Variants in ARMC10 observed in about 807,000 individuals in gnomAD.
ARMC10 encodes the protein armadillo repeat containing 10.
In ARMC10, 23 loss-of-function variants were observed where a neutral mutation model predicts 30.2. The observed-to-expected ratio is 0.76, with a 90% confidence interval of 0.55 to 1.08. The LOEUF is 1.08. Ranked by LOEUF, ARMC10 falls within the 50% of genes least tolerant of loss-of-function variation. ARMC10 has a pLI of 0.00. For synonymous variants in ARMC10, 111 were observed against 164.4 expected, an observed-to-expected ratio of 0.68 and a Z score of 2.48; for missense variants, 303 against 413.7, an observed-to-expected ratio of 0.73 and a Z score of 2.32.
chr7:103,084,871 C>T (rs1800695647), intron 3 of ARMC10, among the ~76,000 whole-genome samples: 1 of 152,200 alleles, frequency 6.6e-6, no homozygotes, highest in African/African-American at 2.4e-5. Context: ...CCCTTTGGAT[C>T]AATCTCCGGG....
rs187813047 is a variant in ARMC10 at position 103,092,949 on chromosome 7, A to G, written c.705+296A>G. Among the ~76,000 whole-genome samples the G allele has an allele frequency of 2.0e-4, 31 of 152,104 alleles. No individual in the cohort carries two copies. The East Asian group carries it at 5.8e-3, about 29-fold the overall frequency. On this transcript the variant is annotated intron_variant, in intron 5 of 6. Coordinates refer to ENST00000323716, the MANE Select transcript of ARMC10 (RefSeq NM_031905.5). ...CTGAGTAATAGTAGTGGTTAGTTGA[A>G]TATTTTGCTTACCTCAGGGTTAACA...
intron 5 of ARMC10, among the ~76,000 whole-genome samples, chr7:103,093,005 A>G (rs1801483569): frequency 6.6e-6 from 1 of 152,214 alleles, no homozygotes; most frequent in African/African-American, 2.4e-5. Flanking sequence ...TATTTGTTGA[A>G]AAATATTTCT....
intron 2 of ARMC10, among the ~76,000 whole-genome samples, chr7:103,078,374 C>T (rs1231158784): frequency 6.6e-6 from 1 of 152,206 alleles, no homozygotes; most frequent in African/African-American, 2.4e-5. Flanking sequence ...CCTCCATGCT[C>T]TTCTCGTGAT....
intron 2 of ARMC10, among the ~76,000 whole-genome samples, chr7:103,077,376 A>C (rs1239266187): frequency 4.6e-5 from 7 of 151,708 alleles, no homozygotes; most frequent in Admixed American, 3.9e-4. Context: ...GAAACTGGGT[A>C]ATTTATTAGG....
intron 4 of ARMC10, chr7:103,088,684 T>A: frequency 4.9e-6 from 1 of 203,076 alleles, no homozygotes; most frequent in Non-Finnish European, 1.1e-5. Flanking sequence ...AGAATCATTT[T>A]TACAGTAGCC....
intron 4 of ARMC10, chr7:103,088,794 G>T: frequency 1.1e-5 from 2 of 178,680 alleles, no homozygotes; most frequent in South Asian, 1.4e-4. Context: ...ATTCCAGCTT[G>T]ACAGGCTGCT....
chr7:103,087,464 T>G (rs1476596186), intron 4 of ARMC10, among the ~76,000 whole-genome samples: 1 of 152,176 alleles, frequency 6.6e-6, no homozygotes, highest in Non-Finnish European at 1.5e-5. Flanking sequence ...GTTAACTTGG[T>G]AAATGCCAAC....
At chr7:103,087,885 C>A in intron 4 of ARMC10, 2 of 559,578 alleles carry the variant, frequency 3.6e-6, no homozygotes, top group Non-Finnish European at 4.5e-6. Context: ...TGCTATGAAG[C>A]AAAAGCAGAC....
chr7:103,085,606 CTTT>C (rs10581217), intron 3 of ARMC10, among the ~76,000 whole-genome samples: 101,461 of 131,224 alleles, frequency 0.77, 39,451 homozygotes, highest in Middle Eastern at 0.91. Flanking sequence ...CATTTCTCTT[CTTT>C]TTTTTTTTTT....
chr7:103,075,723 A>C (rs1199946217), intron 1 of ARMC10, 54 bp from the exon 2 acceptor site: 12 of 1,359,226 alleles, frequency 8.8e-6, no homozygotes, highest in Non-Finnish European at 1.2e-5. Context: ...GATTCTCCCG[A>C]TTGTGGAAGG....
chr7:103,092,624 G>A lies in ARMC10; in HGVS notation c.676G>A (p.Val226Met). 1.3e-6 allele frequency: 2 copies of A among 1,580,300 alleles called. No homozygotes were observed. Among genetic ancestry groups the A allele is most frequent in the Non-Finnish European group, 1.7e-6 (2 of 1,153,198 alleles). The change falls in exon 5 of 7, where the codon GTG becomes ATG. Residue 226 changes from valine to methionine, a missense_variant. By Grantham distance (21) the Val-to-Met change is conservative (BLOSUM62 1). Around this residue, in one of 4 missense-constraint regions of ARMC10, gnomAD observed 170 missense variants for 207.2 expected, o/e 0.82. Coordinates refer to ENST00000323716, the MANE Select transcript of ARMC10 (RefSeq NM_031905.5). ...LHSYITDLFQ[V>M]LLTGNGNTKV... The stretch of plus-strand genomic sequence containing the variant: ...CAGTTACATTACAGACCTGTTCCAG[G>A]TGTTACTTACTGGAAATGGAAACAC...
At chr7:103,096,034 T>C (rs935100036) in intron 5 of ARMC10, 6 of 152,116 alleles carry the variant, frequency 3.9e-5, no homozygotes, top group Non-Finnish European at 8.8e-5. Flanking sequence ...AGTATACATA[T>C]GTAACTAACC....
Position 103,083,813 on chromosome 7 carries a change from G to A in ARMC10, c.376G>A (p.Ala126Thr). 1.2e-6 allele frequency: 2 copies of A among 1,613,916 alleles called. No homozygotes were observed. The highest frequency in any genetic ancestry group is 1.7e-4 in the Middle Eastern group (1 of 6,058). ...TTTGATTACTTTGGGTAACAATGCA[G>A]CCTTTTCAGTTAACCAAGTAAGTAC... Reference protein sequence around the residue: ...RALITLGNNAAFSVNQAIIRE... With the variant: ...RALITLGNNATFSVNQAIIRE... The change falls in exon 3 of 7, where the codon GCC becomes ACC. Residue 126 changes from alanine to threonine, a missense_variant. Around this residue, in one of 4 missense-constraint regions of ARMC10, gnomAD observed 170 missense variants for 207.2 expected, o/e 0.82. Coordinates refer to ENST00000323716, the MANE Select transcript of ARMC10 (RefSeq NM_031905.5).
At chr7:103,087,739 CTG>C in intron 4 of ARMC10, 1 of 979,214 alleles carries the variant, frequency 1.0e-6, no homozygotes, top group Non-Finnish European at 1.2e-6. Flanking sequence ...GAGGTAATCT[CTG>C]TATTTAGTTT....
At chr7:103,097,743 C>T (rs898539414) in intron 6 of ARMC10, among the ~76,000 whole-genome samples, 5 of 152,152 alleles carry the variant, frequency 3.3e-5, no homozygotes, top group Non-Finnish European at 5.9e-5. Context: ...TGACATGGTA[C>T]ATGTCCTCAC....
intron 5 of ARMC10, chr7:103,096,994 A>G: frequency 2.3e-6 from 1 of 440,634 alleles, no homozygotes; most frequent in East Asian, 3.4e-5. Context: ...AGACATTTGC[A>G]ATATTCTCTC....
chr7:103,075,461 TC>T, intron 1 of ARMC10, 50 bp downstream of exon 1: 1 of 1,273,058 alleles, frequency 7.9e-7, no homozygotes. Flanking sequence ...GCAGGGGGGC[TC>T]CCCAGGCCGG....
rs1801423244 is a variant in ARMC10 at position 103,092,397 on chromosome 7, C to T, written c.529-80C>T. The T allele has an allele frequency of 4.5e-6, 4 of 882,066 alleles. No individual in the cohort carries two copies. In the Admixed American group the frequency reaches 7.0e-5, roughly 15 times the overall value. The allele number at this position is 882,066 out of a possible 1,614,324, so 54.6% of individuals were successfully genotyped here. A position where few individuals can be genotyped will look rare whatever the true frequency, so the allele number is the denominator to read the frequency against. On this transcript the variant is annotated intron_variant, in intron 4 of 6. Transcript: ENST00000323716. ...GGTTCCATCCTGAGCAGTAGCCCTA[C>T]TCCACTGTGCAGAAAAGTGGCTGTT...
At chr7:103,078,436 A>G (rs1046716193) in intron 2 of ARMC10, among the ~76,000 whole-genome samples, 1 of 151,778 alleles carries the variant, frequency 6.6e-6, no homozygotes, top group Non-Finnish European at 1.5e-5. Context: ...TTTGCTCTGC[A>G]CTCCTTCTCT....
Sources: gnomAD v4.1 joint callset for allele counts (sites outside exome capture counted in the v4.1 genomes callset) on GRCh38, gnomAD v4.1.1 for gene constraint, gnomAD v4.1.1 regional missense constraint, MANE v1.5 for transcripts, NCBI Gene and HGNC (gene_info 2026-07-23, HGNC 2026-07-21) for gene names.